TTLL6: variants seen among roughly 807,000 people sequenced by gnomAD.
The protein encoded by TTLL6 is tubulin polyglutamylase TTLL6.
In TTLL6, 75 loss-of-function variants were observed where a neutral mutation model predicts 96.4. The observed-to-expected ratio is 0.78, with a 90% CI of 0.65 to 0.94. TTLL6 has a LOEUF of 0.94. TTLL6 is among the 40% of genes least tolerant of loss of function. TTLL6 has a pLI of 0.00. For missense variants in TTLL6, 1,030 were observed against 1,093.0 expected (o/e 0.94, Z 0.81); for synonymous variants, 411 against 419.4 (o/e 0.98, Z 0.24).
chr17:48,801,928 C>T (rs2039423174), intron 3 of TTLL6, among the ~76,000 whole-genome samples: 1 of 151,614 alleles, frequency 6.6e-6, no homozygotes, highest in Non-Finnish European at 1.5e-5. Flanking sequence ...CGCCTGTAAT[C>T]CCAGCTACTC....
chr17:48,784,642 G>A (rs373462406), intron 13 of TTLL6, among the ~76,000 whole-genome samples: 12 of 152,130 alleles, frequency 7.9e-5, no homozygotes, highest in Non-Finnish European at 1.5e-5. Flanking sequence ...GAGAATAAAC[G>A]GTGTTGCCTC....
intron 13 of TTLL6, among the ~76,000 whole-genome samples, chr17:48,770,316 T>C (rs1234246067): frequency 6.6e-6 from 1 of 151,912 alleles, no homozygotes; most frequent in East Asian, 1.9e-4. Flanking sequence ...TTGATTAAAA[T>C]AAACAGATTA....
intron 13 of TTLL6, among the ~76,000 whole-genome samples, chr17:48,773,919 C>G (rs1415240711): frequency 6.7e-6 from 1 of 149,888 alleles, no homozygotes; most frequent in Non-Finnish European, 1.5e-5. Context: ...CCCGTCTCTA[C>G]TAAAAATACA....
At chr17:48,800,365 A>T (rs1262015906) in intron 5 of TTLL6, 3 of 152,288 alleles carry the variant, frequency 2.0e-5, no homozygotes, top group Admixed American at 2.0e-4. Flanking sequence ...AAAGAAACTA[A>T]ATTAATGGAT....
At chr17:48,806,010 G>C (rs1201962420) in intron 1 of TTLL6, among the ~76,000 whole-genome samples, 2 of 152,130 alleles carry the variant, frequency 1.3e-5, no homozygotes, top group Non-Finnish European at 2.9e-5. Context: ...TCAGGAGGCT[G>C]AGGCAGGAGA....
At chr17:48,803,380 C>A (rs1268270121) in intron 3 of TTLL6, among the ~76,000 whole-genome samples, 2 of 151,520 alleles carry the variant, frequency 1.3e-5, no homozygotes. Flanking sequence ...CCTGTAATCC[C>A]AGCTACTAGG....
Position 48,817,191 on chromosome 17 carries a change from GCCCCCT to G in TTLL6, c.-125_-120del. 1 of 616,984 alleles carries G rather than the reference GCCCCCT, an allele frequency of 1.6e-6. No homozygotes were observed. 38.2% of individuals were successfully genotyped at this position (616,984 alleles called of 1,614,324 possible). On this transcript the variant is annotated 5_prime_UTR_variant, in exon 1 of 16. Coordinates refer to ENST00000393382, the MANE Select transcript of TTLL6 (RefSeq NM_001130918.3). ...GATTGGCCCCTGCAGTAGCTGCCAT[GCCCCCT>G]CCCTCCCGAATCCAATTAACCGCCC...
intron 15 of TTLL6, among the ~76,000 whole-genome samples, chr17:48,768,204 C>T (rs1407675437): frequency 2.6e-5 from 4 of 151,770 alleles, no homozygotes; most frequent in Admixed American, 6.6e-5. Flanking sequence ...AATCAATCCT[C>T]CTACCTTGGC....
chr17:48,783,508 T>C (rs1423448426), intron 13 of TTLL6, among the ~76,000 whole-genome samples: 1 of 152,000 alleles, frequency 6.6e-6, no homozygotes, highest in Non-Finnish European at 1.5e-5. Context: ...CTGGGCTCAC[T>C]GCAACCTCCA....
At chr17:48,763,702 G>A (rs1375469013) in intron 15 of TTLL6, among the ~76,000 whole-genome samples, 2 of 152,070 alleles carry the variant, frequency 1.3e-5, no homozygotes, top group Admixed American at 6.5e-5. Context: ...AGGAGGCTGA[G>A]GCAGGAGAAT....
At chr17:48,777,505 T>C (rs1051485525) in intron 13 of TTLL6, among the ~76,000 whole-genome samples, 10 of 151,204 alleles carry the variant, frequency 6.6e-5, no homozygotes, top group African/African-American at 2.2e-4. Flanking sequence ...CCGAGGCGGG[T>C]GGATGGTCTG....
intron 15 of TTLL6, among the ~76,000 whole-genome samples, chr17:48,764,878 G>T (rs896286158): frequency 6.6e-6 from 1 of 152,092 alleles, no homozygotes; most frequent in Admixed American, 6.6e-5. Flanking sequence ...GCTCTGCTTG[G>T]TCTTTGTCAT....
rs563507849 is a variant in TTLL6 at position 48,797,097 on chromosome 17, C to T, written c.876G>A (p.Ala292=). ...FVYNEGLARF[A]TTSYSRPCTD... is the part of the protein sequence containing the mutation. ...TGCAAGGGCGGGAGTAAGAGGTCGT[C>T]GCAAAGCGGGCCAGTCCTTCATTGT... The change falls in exon 7 of 16, where the codon GCG becomes GCA. Residue 292 remains alanine, a synonymous_variant. Transcript: ENST00000393382. 3.9e-6 allele frequency: 6 copies of T among 1,551,324 alleles called. No homozygotes were observed. In the African/African-American group the frequency reaches 5.5e-5, roughly 14 times the overall value.
At chr17:48,790,453 G>A (rs2039197002) in intron 9 of TTLL6, among the ~76,000 whole-genome samples, 1 of 152,190 alleles carries the variant, frequency 6.6e-6, no homozygotes, top group African/African-American at 2.4e-5. Flanking sequence ...AAAGGGACAG[G>A]CTTGGACATA....
At chr17:48,792,066 A>T (rs1358260265) in intron 8 of TTLL6, among the ~76,000 whole-genome samples, 1 of 152,176 alleles carries the variant, frequency 6.6e-6, no homozygotes, top group Non-Finnish European at 1.5e-5. Context: ...AATGACACAG[A>T]AAACTTGTTT....
chr17:48,785,588 TCCCACTGAGCTAGAA>T (rs1246496938), intron 12 of TTLL6, among the ~76,000 whole-genome samples: 3 of 152,074 alleles, frequency 2.0e-5, no homozygotes, highest in African/African-American at 7.2e-5. Context: ...AGCTGAATCT[TCCCACTGAGCTAGAA>T]GAGAGTGCTA....
At chr17:48,783,365 G>A (rs1293729651) in intron 13 of TTLL6, among the ~76,000 whole-genome samples, 1 of 151,962 alleles carries the variant, frequency 6.6e-6, no homozygotes, top group Non-Finnish European at 1.5e-5. Context: ...ATGTTCATGT[G>A]GCAACTTCGT....
chr17:48,803,817 A>C (rs2039464074), intron 3 of TTLL6, 74 bp downstream of exon 3: 1 of 1,460,606 alleles, frequency 6.8e-7, no homozygotes, highest in Non-Finnish European at 9.4e-7. Flanking sequence ...CAAATATACA[A>C]GAGTGACTCT....
chr17:48,808,050 G>C (rs1567736831), intron 1 of TTLL6, among the ~76,000 whole-genome samples: 1 of 151,960 alleles, frequency 6.6e-6, no homozygotes, highest in Non-Finnish European at 1.5e-5. Context: ...GTGTTAGCCA[G>C]GATGGTCTCA....
Sources: gnomAD v4.1 joint callset for allele counts (sites outside exome capture counted in the v4.1 genomes callset) on GRCh38, gnomAD v4.1.1 for gene constraint, MANE v1.5 for transcripts, NCBI Gene and HGNC (gene_info 2026-07-23, HGNC 2026-07-21) for gene names.